The following SPECC1 variants were observed in gnomAD, a reference collection of about 807,000 sequenced individuals.
SPECC1 encodes cytospin-B.
In SPECC1, 62 loss-of-function variants were observed where a neutral mutation model predicts 104.1. The observed-to-expected ratio is 0.60, with a 90% CI of 0.49 to 0.74. The LOEUF is 0.74. Among genes scored for constraint, SPECC1 ranks in the 30% least tolerant of loss-of-function variants. The pLI, the probability that SPECC1 is intolerant of heterozygous loss-of-function variation, is 0.00. For synonymous variants in SPECC1, 513 were observed against 501.6 expected (o/e 1.02, Z -0.30); for missense variants, 1,306 against 1,310.5 (o/e 1.00, Z 0.05).
chr17:20,092,391 C>T (rs2047440437), intron 1 of SPECC1, among the ~76,000 whole-genome samples: 2 of 151,208 alleles, frequency 1.3e-5, no homozygotes, highest in African/African-American at 4.9e-5. Flanking sequence ...CATAAGAAAA[C>T]GATTACTCAG....
chr17:20,310,208 A>C (rs1567625955), intron 14 of SPECC1, among the ~76,000 whole-genome samples: 1 of 152,178 alleles, frequency 6.6e-6, no homozygotes, highest in Non-Finnish European at 1.5e-5. Flanking sequence ...ATAAGTGTGC[A>C]TGTGTTTTTG....
chr17:20,141,861 T>A (rs1161965702), intron 3 of SPECC1, among the ~76,000 whole-genome samples: 1 of 152,224 alleles, frequency 6.6e-6, no homozygotes, highest in South Asian at 2.1e-4. Context: ...CCGATTCAGT[T>A]ACGTAACTTT....
At chr17:20,231,937 A>T in intron 6 of SPECC1, 106 bp downstream of exon 6, 1 of 1,207,902 alleles carries the variant, frequency 8.3e-7, no homozygotes, top group Non-Finnish European at 1.2e-6. Context: ...TTTCCACGGC[A>T]TGGTGGGCCC....
At chr17:20,174,540 C>T (rs893899284) in intron 3 of SPECC1, among the ~76,000 whole-genome samples, 4 of 152,054 alleles carry the variant, frequency 2.6e-5, no homozygotes, top group Admixed American at 2.0e-4. Context: ...TCTTCAGTCC[C>T]AGGGGATTGA....
intron 2 of SPECC1, among the ~76,000 whole-genome samples, chr17:20,101,346 A>T (rs1406429544): frequency 6.6e-6 from 1 of 152,172 alleles, no homozygotes; most frequent in Non-Finnish European, 1.5e-5. Context: ...TGACTTTTTA[A>T]TGATCGCCAT....
At chr17:20,234,862 G>A (rs2038813749) in intron 7 of SPECC1, among the ~76,000 whole-genome samples, 1 of 152,214 alleles carries the variant, frequency 6.6e-6, no homozygotes, top group South Asian at 2.1e-4. Flanking sequence ...TAACTAAACA[G>A]TGGGATATTA....
intron 9 of SPECC1, 98 bp from the exon 10 acceptor site, chr17:20,253,407 A>G (rs1351807768): frequency 8.6e-7 from 1 of 1,167,066 alleles, no homozygotes; most frequent in Non-Finnish European, 1.2e-6. Context: ...TGTGTTTAAG[A>G]ACTGTTGCAC....
chr17:20,011,253 T>G (rs2043933155), intron 1 of SPECC1, among the ~76,000 whole-genome samples: 1 of 152,234 alleles, frequency 6.6e-6, no homozygotes, highest in African/African-American at 2.4e-5. Flanking sequence ...GGGCTGCTGC[T>G]GGTGTTGTTT....
At chr17:20,110,685 G>T (rs562549814) in intron 3 of SPECC1, 123 bp downstream of exon 3, 1 of 1,219,118 alleles carries the variant, frequency 8.2e-7, no homozygotes, top group African/African-American at 1.5e-5. Context: ...CTTACCCTGG[G>T]CCGGAACTGT....
intron 3 of SPECC1, among the ~76,000 whole-genome samples, chr17:20,197,762 T>C (rs1255643005): frequency 6.6e-6 from 1 of 152,220 alleles, no homozygotes; most frequent in Non-Finnish European, 1.5e-5. Flanking sequence ...GCTAGCTTGC[T>C]GGCTTATCTT....
intron 1 of SPECC1, among the ~76,000 whole-genome samples, chr17:20,046,704 G>A (rs1248483173): frequency 2.6e-5 from 4 of 152,142 alleles, no homozygotes; most frequent in South Asian, 2.1e-4. Context: ...TGACATTTGA[G>A]CAATGACCTA....
At chr17:20,010,340 T>C (rs1272681268) in intron 1 of SPECC1, 1 of 152,110 alleles carries the variant, frequency 6.6e-6, no homozygotes, top group East Asian at 1.9e-4. Flanking sequence ...CCAGCAACTG[T>C]AGGAGCTGCA....
chr17:20,095,741 G>C (rs1240306498), intron 1 of SPECC1: 1 of 152,530 alleles, frequency 6.6e-6, no homozygotes, highest in African/African-American at 2.4e-5. Context: ...GTTTTGTAAA[G>C]TGCATTTCTG....
chr17:20,110,365 T>G, intron 2 of SPECC1, 62 bp from the exon 3 acceptor site: 1 of 1,540,664 alleles, frequency 6.5e-7, no homozygotes, highest in Non-Finnish European at 8.8e-7. Context: ...CTCTGCTTGT[T>G]TATAGCGCTC....
At chr17:20,273,273 C>T (rs2040466776) in intron 12 of SPECC1, among the ~76,000 whole-genome samples, 1 of 152,142 alleles carries the variant, frequency 6.6e-6, no homozygotes, top group Non-Finnish European at 1.5e-5. Context: ...TGCTTGAGGC[C>T]AGGAGTTCAA....
intron 12 of SPECC1, chr17:20,290,260 G>A (rs2041118308): frequency 6.6e-6 from 1 of 151,954 alleles, no homozygotes; most frequent in Non-Finnish European, 1.5e-5. Context: ...AGAACTAGTG[G>A]TCACTTTGGC....
At chr17:20,126,839 A>G (rs952340339) in intron 3 of SPECC1, among the ~76,000 whole-genome samples, 13 of 152,168 alleles carry the variant, frequency 8.5e-5, no homozygotes, top group Admixed American at 7.2e-4. Context: ...TTCTCCTCCT[A>G]TATTCCTTTG....
chr17:20,043,780 A>T (rs2045426374), intron 1 of SPECC1, among the ~76,000 whole-genome samples: 9 of 152,180 alleles, frequency 5.9e-5, no homozygotes, highest in Admixed American at 5.9e-4. Flanking sequence ...ATAAATTTCC[A>T]AGGGAGAAGA....
At chr17:20,138,086 A>T (rs2030251077) in intron 3 of SPECC1, among the ~76,000 whole-genome samples, 1 of 152,032 alleles carries the variant, frequency 6.6e-6, no homozygotes, top group African/African-American at 2.4e-5. Context: ...CTCCCACCCC[A>T]GCCTCCTGAG....
Sources: gnomAD v4.1 joint callset for allele counts (sites outside exome capture counted in the v4.1 genomes callset) on GRCh38, gnomAD v4.1.1 for gene constraint, MANE v1.5 for transcripts, NCBI Gene and HGNC (gene_info 2026-07-23, HGNC 2026-07-21) for gene names.